The following GALNT16 variants were observed in gnomAD, a reference collection of about 807,000 sequenced individuals.
GALNT16 encodes polypeptide N-acetylgalactosaminyltransferase 16.
A neutral mutation model predicts 76.1 loss-of-function variants in GALNT16; 40 were observed. That is an observed-to-expected ratio of 0.53 (90% CI 0.41 to 0.68). GALNT16 has a LOEUF of 0.68. Ranked by LOEUF, GALNT16 falls within the 30% of genes least tolerant of loss-of-function variation. The probability of loss-of-function intolerance (pLI) is 0.00; values close to 1 mark genes in which losing one functional copy is unlikely to be tolerated. For synonymous variants in GALNT16, 276 were observed against 285.2 expected, an observed-to-expected ratio of 0.97 and a Z score of 0.32; for missense variants, 621 against 731.9, an observed-to-expected ratio of 0.85 and a Z score of 1.75.
intron 1 of GALNT16, among the ~76,000 whole-genome samples, chr14:69,292,463 C>G (rs1028352027): frequency 3.9e-5 from 6 of 152,246 alleles, no homozygotes; most frequent in Admixed American, 1.3e-4. Flanking sequence ...GGAGTGCCAT[C>G]CCAGAGCCCC....
At chr14:69,319,071 G>T (rs547345196) in intron 1 of GALNT16, among the ~76,000 whole-genome samples, 1 of 152,370 alleles carries the variant, frequency 6.6e-6, no homozygotes, top group South Asian at 2.1e-4. Flanking sequence ...GTTCCACACA[G>T]CAGCCACAGC....
chr14:69,285,886 C>T (rs4902710), intron 1 of GALNT16, among the ~76,000 whole-genome samples: 80,378 of 151,850 alleles, frequency 0.53, 22,147 homozygotes, highest in African/African-American at 0.68. Context: ...TGGCATGCAA[C>T]CATAGTGACC....
chr14:69,297,651 A>G (rs757830115), intron 1 of GALNT16, among the ~76,000 whole-genome samples: 1 of 151,548 alleles, frequency 6.6e-6, no homozygotes, highest in Non-Finnish European at 1.5e-5. Flanking sequence ...AACAAACTAC[A>G]AAGAAAAACA....
chr14:69,274,874 C>G (rs894918037), intron 1 of GALNT16, among the ~76,000 whole-genome samples: 2 of 152,168 alleles, frequency 1.3e-5, no homozygotes, highest in African/African-American at 4.8e-5. Flanking sequence ...TTTTACACAT[C>G]AGAACCTGAC....
At chr14:69,275,982 G>A (rs1594813982) in intron 1 of GALNT16, among the ~76,000 whole-genome samples, 1 of 152,220 alleles carries the variant, frequency 6.6e-6, no homozygotes, top group East Asian at 1.9e-4. Context: ...GGCAGAGGAT[G>A]AAAGGCAGTG....
chr14:69,355,712 A>G (rs903255323), downstream of GALNT16: 2 of 152,300 alleles, frequency 1.3e-5, no homozygotes, highest in African/African-American at 4.8e-5. Flanking sequence ...GCCTATGGGC[A>G]GGGCAGCAGA....
chr14:69,341,853 C>G, intron 12 of GALNT16, 89 bp downstream of exon 12: 5 of 783,276 alleles, frequency 6.4e-6, no homozygotes. Context: ...CCTTAGATCT[C>G]CTCAACACTG....
intron 11 of GALNT16, among the ~76,000 whole-genome samples, 188 bp downstream of exon 11, chr14:69,339,807 G>C (rs2045463939): frequency 6.6e-6 from 1 of 152,270 alleles, no homozygotes; most frequent in African/African-American, 2.4e-5. Flanking sequence ...AGGCTTTGAG[G>C]AGCGTGAAAT....
intron 1 of GALNT16, among the ~76,000 whole-genome samples, chr14:69,284,771 G>A (rs568674886): frequency 1.9e-4 from 29 of 152,202 alleles, no homozygotes; most frequent in Non-Finnish European, 3.5e-4. Flanking sequence ...CATGTGTCGT[G>A]GGAGGGACCT....
Position 69,347,053 on chromosome 14 carries a change from G to T in GALNT16, c.1285G>T (p.Glu429Ter). ...CTTTTCTCTCAGGGTCCCCGTGAAGGAAGCACTCCCCGGCATCATTAAGCA... is the reference window on the plus strand; with the variant it reads ...CTTTTCTCTCAGGGTCCCCGTGAAGTAAGCACTCCCCGGCATCATTAAGCA... ...VYPELTVPVK[E>*]ALPGIIKQGV... is the part of the protein sequence containing the mutation. The change falls in exon 13 of 15, where the codon GAA becomes TAA. Residue 429 changes from glutamate (E) to a stop codon, truncating the protein, a stop_gained. Coordinates refer to ENST00000448469, the MANE Select transcript of GALNT16 (RefSeq NM_001168368.2). LOFTEE classifies it high-confidence loss of function. 1.2e-6 allele frequency: 2 copies of T among 1,614,128 alleles called. No individual in the cohort carries two copies. Among genetic ancestry groups the T allele is most frequent in the Non-Finnish European group, 1.7e-6 (2 of 1,179,986 alleles).
chr14:69,296,797 A>T (rs2044772131), intron 1 of GALNT16, among the ~76,000 whole-genome samples: 2 of 120,528 alleles, frequency 1.7e-5, no homozygotes, highest in Admixed American at 7.9e-5. Flanking sequence ...ATAGACAGAC[A>T]GATAGAGCTA....
intron 4 of GALNT16, 99 bp downstream of exon 4, chr14:69,325,503 C>T (rs1402361643): frequency 1.3e-6 from 1 of 790,444 alleles, no homozygotes. Context: ...CTGACCATCG[C>T]AGACACCTTT....
chr14:69,305,636 C>T (rs758283606), intron 1 of GALNT16, among the ~76,000 whole-genome samples: 3 of 151,706 alleles, frequency 2.0e-5, no homozygotes, highest in Non-Finnish European at 4.4e-5. Context: ...TTTTTTTTAA[C>T]TGTTGAGTTG....
At chr14:69,325,248 G>A (rs1040531236) in intron 3 of GALNT16, 89 bp from the exon 4 acceptor site, 7 of 817,590 alleles carry the variant, frequency 8.6e-6, no homozygotes, top group African/African-American at 6.7e-5. Flanking sequence ...GGAGCTGGGC[G>A]GCTGGGGAGT....
chr14:69,359,756 G>A (rs923506618), downstream of GALNT16, among the ~76,000 whole-genome samples: 8 of 152,170 alleles, frequency 5.3e-5, no homozygotes, highest in African/African-American at 1.9e-4. Flanking sequence ...GGCCAGACGC[G>A]GTGGCTCACG....
chr14:69,324,358 G>A lies in GALNT16; in HGVS notation c.336-334G>A, dbSNP rs146839766. Among the ~76,000 whole-genome samples, 917 of 152,226 alleles carry A rather than the reference G, an allele frequency of 6.0e-3. 8 individuals carry two copies. Among genetic ancestry groups the A allele is most frequent in the African/African-American group, 0.021 (876 of 41,534 alleles). ...ACCCCCCACCATACGACAGAGTGTG[G>A]TCAGGGCTGTATCCTGGGGCCTGGT... On this transcript the variant is annotated intron_variant, in intron 2 of 14. Transcript: ENST00000448469.
chr14:69,337,365 A>G (rs1039767493), intron 9 of GALNT16, among the ~76,000 whole-genome samples: 1 of 152,256 alleles, frequency 6.6e-6, no homozygotes, highest in African/African-American at 2.4e-5. Context: ...TAGAAAGAGC[A>G]TGGCATGTAG....
chr14:69,281,678 C>T (rs895054262), intron 1 of GALNT16, among the ~76,000 whole-genome samples: 28 of 152,156 alleles, frequency 1.8e-4, no homozygotes, highest in African/African-American at 5.6e-4. Flanking sequence ...CATGTGCTCA[C>T]GTGACCCCAA....
chr14:69,372,491 CTTTT>C, the GALNT16 span, among the ~76,000 whole-genome samples: 6 of 103,746 alleles, frequency 5.8e-5, no homozygotes, highest in African/African-American at 1.8e-4. Flanking sequence ...GATCATTAGC[CTTTT>C]TTTTTTTTTT....
Sources: gnomAD v4.1 joint callset for allele counts (sites outside exome capture counted in the v4.1 genomes callset) on GRCh38, gnomAD v4.1.1 for gene constraint, MANE v1.5 for transcripts, NCBI Gene and HGNC (gene_info 2026-07-23, HGNC 2026-07-21) for gene names.